HELB: variants seen among roughly 807,000 people sequenced by gnomAD.
The protein encoded by HELB is DNA 5'-3' helicase B.
A neutral mutation model predicts 101.7 loss-of-function variants in HELB; 96 were observed. The ratio of observed to expected loss-of-function variants is 0.94; its 90% CI spans 0.80 to 1.12. The LOEUF (loss-of-function observed/expected upper bound fraction) is 1.12. Among genes scored for constraint, HELB ranks in the 50% most tolerant of loss-of-function variants. The pLI, the probability that HELB is intolerant of heterozygous loss-of-function variation, is 0.00. For synonymous variants in HELB, 437 were observed against 459.7 expected (o/e 0.95, Z 0.63); for missense variants, 1,210 against 1,291.9 (o/e 0.94, Z 0.97).
Position 66,331,319 on chromosome 12 carries a change from C to G in HELB, c.2836C>G (p.Arg946Gly), listed in dbSNP as rs774433175. The part of the protein sequence containing the change: ...IMKNSFPRKT[R>G]LKHFLQSKLS... ...GAAAAACAGTTTTCCTAGAAAAACTCGTTTGAAACATTTCTTGCAAAGTAA... is the reference window on the plus strand; with the variant it reads ...GAAAAACAGTTTTCCTAGAAAAACTGGTTTGAAACATTTCTTGCAAAGTAA... The change falls in exon 12 of 13, where the codon CGT becomes GGT. Residue 946 changes from arginine (R) to glycine (G), a missense_variant. Arg to Gly is a moderately radical substitution (Grantham distance 125). This residue lies in a region of HELB where 740 missense variants were observed against 728.8 expected (regional missense o/e 1.02). Transcript: ENST00000247815. The G allele has an allele frequency of 6.2e-7, 1 of 1,614,172 alleles. No individual in the cohort carries two copies. Among genetic ancestry groups the G allele is most frequent in the South Asian group, 1.1e-5 (1 of 91,078 alleles).
At position 66,315,381 on chromosome 12, in the gene HELB, A is replaced by T; in HGVS notation, c.1998A>T (p.Thr666=). The change falls in exon 6 of 13, where the codon ACA becomes ACT. Residue 666 remains threonine, a splice_region_variant and synonymous_variant. Coordinates refer to ENST00000247815, the MANE Select transcript of HELB (RefSeq NM_001370285.1). ...CTCAGCTCATTGTGGACAATGCTAC[A>T]AGGTATAATATTACTAAGAGTTTGC... is the stretch of plus-strand genomic sequence containing the variant. ...AESQLIVDNA[T]RISRRQFPKF... The T allele has an allele frequency of 6.3e-7, 1 of 1,575,432 alleles. No homozygotes were observed. Among genetic ancestry groups the T allele is most frequent in the Non-Finnish European group, 8.6e-7 (1 of 1,164,776 alleles).
chr12:66,324,381 TG>T, intron 10 of HELB, 170 bp downstream of exon 10: 2 of 590,226 alleles, frequency 3.4e-6, no homozygotes, highest in East Asian at 5.7e-5. Context: ...GGTAGTTATC[TG>T]GTAATGTCCT....
At chr12:66,315,075 A>G (rs921599980) in intron 5 of HELB, among the ~76,000 whole-genome samples, 167 bp from the exon 6 acceptor site, 5 of 151,688 alleles carry the variant, frequency 3.3e-5, no homozygotes, top group African/African-American at 7.3e-5. Flanking sequence ...AAGATGTTCT[A>G]TTTAGATTTT....
chr12:66,324,444 T>G, intron 10 of HELB: 1 of 374,336 alleles, frequency 2.7e-6, no homozygotes, highest in South Asian at 6.2e-5. Context: ...AGTTGGGAAG[T>G]GCTTCTTCTT....
intron 12 of HELB, among the ~76,000 whole-genome samples, chr12:66,336,527 A>C (rs1488328713): frequency 6.6e-6 from 1 of 152,228 alleles, no homozygotes; most frequent in Non-Finnish European, 1.5e-5. Flanking sequence ...AAAGGTAAGA[A>C]GGGGCCACAG....
chr12:66,337,254 C>T (rs898221901), intron 12 of HELB, among the ~76,000 whole-genome samples: 2 of 151,962 alleles, frequency 1.3e-5, no homozygotes, highest in African/African-American at 2.4e-5. Context: ...CAGTAGAATC[C>T]CTGCTGATTC....
In HELB at chr12:66,304,915, A is replaced by T. The variant is rs754623133; in HGVS notation, c.372A>T (p.Lys124Asn). The T allele has an allele frequency of 1.9e-6, 3 of 1,614,010 alleles. No homozygotes were observed. The East Asian group carries it at 6.7e-5, about 36-fold the overall frequency. The stretch of plus-strand genomic sequence containing the variant: ...CTGATATGTCACCACCAAATCAAAA[A>T]CATATCTGTGCTCTCTTTCTTAAAG... ...LQSDMSPPNQ[K>N]HICALFLKEC... is the part of the protein sequence containing the mutation. The change falls in exon 2 of 13, where the codon AAA (lysine) becomes AAT (asparagine). Residue 124 changes from lysine to asparagine, a missense_variant. Lys to Asn is a moderately conservative substitution (Grantham distance 94, BLOSUM62 0). Coordinates refer to ENST00000247815, the MANE Select transcript of HELB (RefSeq NM_001370285.1).
chr12:66,305,544 C>T (rs1353101245), intron 2 of HELB, among the ~76,000 whole-genome samples: 2 of 152,108 alleles, frequency 1.3e-5, no homozygotes, highest in African/African-American at 2.4e-5. Context: ...GAGATCGAGA[C>T]TAGCCTGAGC....
rs754177530 is a variant in HELB at position 66,315,355 on chromosome 12, T to C, written c.1972T>C (p.Ser658Pro). The change falls in exon 6 of 13, where the codon TCT becomes CCT. Residue 658 changes from serine (S) to proline (P), a missense_variant. Ser to Pro is a moderately conservative substitution (Grantham distance 74, BLOSUM62 -1). Around this residue, in one of 2 missense-constraint regions of HELB, gnomAD observed 740 missense variants for 728.8 expected, o/e 1.02. Transcript: ENST00000247815. ...IELKTNHRAE[S>P]QLIVDNATRI... is the part of the protein sequence containing the mutation. ...GCTAAAGACAAACCATAGAGCAGAA[T>C]CTCAGCTCATTGTGGACAATGCTAC... 1 of 1,602,096 alleles carries C rather than the reference T, an allele frequency of 6.2e-7. No homozygotes were observed. Among genetic ancestry groups the C allele is most frequent in the South Asian group, 1.1e-5 (1 of 88,762 alleles).
intron 12 of HELB, among the ~76,000 whole-genome samples, chr12:66,336,120 G>A (rs1282637038): frequency 6.6e-6 from 1 of 152,124 alleles, no homozygotes; most frequent in African/African-American, 2.4e-5. Context: ...TGAATATATG[G>A]CGATGAAACT....
chr12:66,306,550 G>T, intron 3 of HELB, 36 bp downstream of exon 3: 3 of 1,427,088 alleles, frequency 2.1e-6, no homozygotes, highest in Non-Finnish European at 2.8e-6. Context: ...TAGTAATCTT[G>T]TGTAAGGCAT....
chr12:66,316,880 T>C (rs1450184494), intron 6 of HELB, among the ~76,000 whole-genome samples: 1 of 151,158 alleles, frequency 6.6e-6, no homozygotes, highest in Non-Finnish European at 1.5e-5. Context: ...TTAGCCGGGC[T>C]TGGTGGCGGG....
intron 8 of HELB, among the ~76,000 whole-genome samples, 159 bp downstream of exon 8, chr12:66,322,188 T>G (rs2053678106): frequency 6.6e-6 from 1 of 152,204 alleles, no homozygotes; most frequent in African/African-American, 2.4e-5. Context: ...CAGAGGGCGC[T>G]TTCTAAACAG....
At chr12:66,332,602 G>C (rs919099323) in intron 12 of HELB, among the ~76,000 whole-genome samples, 2 of 152,170 alleles carry the variant, frequency 1.3e-5, no homozygotes, top group African/African-American at 4.8e-5. Flanking sequence ...TGCAGTGCTT[G>C]TGTCAAGTGA....
Position 66,306,361 on chromosome 12 carries a change from A to C in HELB, c.624A>C (p.Val208=), listed in dbSNP as rs2053475441. Reference sequence around the variant, plus strand: ...ATCTTGTAGTTCCATTTAGAAATGTAATGACAGCTTTGCAGTTTCCGAAGA... The same window carrying C: ...ATCTTGTAGTTCCATTTAGAAATGTCATGACAGCTTTGCAGTTTCCGAAGA... ...PLENTIPFRN[V]MTALQFPKIM... is the part of the protein sequence containing the mutation. The change falls in exon 3 of 13, where the codon GTA becomes GTC. Residue 208 remains valine (V), a synonymous_variant. Coordinates refer to ENST00000247815, the MANE Select transcript of HELB (RefSeq NM_001370285.1). The C allele has an allele frequency of 1.3e-6, 2 of 1,592,584 alleles. No individual in the cohort carries two copies. Among genetic ancestry groups the C allele is most frequent in the African/African-American group, 2.7e-5 (2 of 73,762 alleles).
chr12:66,313,419 A>T (rs546335951), intron 4 of HELB, among the ~76,000 whole-genome samples: 1 of 152,142 alleles, frequency 6.6e-6, no homozygotes, highest in Non-Finnish European at 1.5e-5. Context: ...TATACACTAA[A>T]ATATTGAATG....
intron 10 of HELB, chr12:66,324,644 T>C: frequency 3.5e-6 from 1 of 289,738 alleles, no homozygotes; most frequent in Non-Finnish European, 6.6e-6. Flanking sequence ...CACTGAAAGC[T>C]GTGAGGAAAA....
At chr12:66,336,261 TC>T (rs2053865409) in intron 12 of HELB, among the ~76,000 whole-genome samples, 1 of 152,206 alleles carries the variant, frequency 6.6e-6, no homozygotes, top group Admixed American at 6.5e-5. Flanking sequence ...CAGTAAAAGA[TC>T]CTTTTGAATG....
At chr12:66,308,377 C>T (rs1162608413) in intron 3 of HELB, among the ~76,000 whole-genome samples, 1 of 152,194 alleles carries the variant, frequency 6.6e-6, no homozygotes, top group Non-Finnish European at 1.5e-5. Context: ...AGTCACTCTT[C>T]ACAGAGAAGA....
Sources: allele counts gnomAD v4.1 joint callset (sites outside exome capture counted in the v4.1 genomes callset), GRCh38; gene constraint gnomAD v4.1.1; regional missense constraint gnomAD v4.1.1; transcripts MANE v1.5; gene names NCBI Gene and HGNC (gene_info 2026-07-23, HGNC 2026-07-21).